Variants in FSTL4 observed in about 807,000 individuals in gnomAD.
FSTL4 encodes the protein follistatin like 4, also known as follistatin-related protein 4.
In FSTL4, 28 loss-of-function variants were observed where a neutral mutation model predicts 78.2. That is an observed-to-expected ratio of 0.36 (90% CI 0.27 to 0.49). The LOEUF is 0.49. Among genes scored for constraint, FSTL4 ranks in the 20% least tolerant of loss-of-function variants. FSTL4 has a pLI of 0.98. For synonymous variants in FSTL4, 422 were observed against 440.5 expected, an observed-to-expected ratio of 0.96 and a Z score of 0.53; for missense variants, 922 against 1,084.9, an observed-to-expected ratio of 0.85 and a Z score of 2.11.
the FSTL4 span, among the ~76,000 whole-genome samples, chr5:133,801,779 C>T: frequency 6.6e-6 from 1 of 152,254 alleles, no homozygotes; most frequent in Admixed American, 6.5e-5. Context: ...CTCTGATCCT[C>T]TCCACTGAGG....
intron 4 of FSTL4, among the ~76,000 whole-genome samples, chr5:133,345,977 G>T (rs990526430): frequency 2.4e-4 from 37 of 152,144 alleles, no homozygotes; most frequent in Non-Finnish European, 5.1e-4. Context: ...CGATAACAAA[G>T]ACTTGGAACC....
chr5:133,729,855 C>G, the FSTL4 span, among the ~76,000 whole-genome samples: 4 of 152,094 alleles, frequency 2.6e-5, 1 homozygote, highest in South Asian at 2.1e-4. Flanking sequence ...CTGAAAACAC[C>G]TGGCTCTGGG....
chr5:133,467,435 T>C lies in FSTL4; in HGVS notation c.161-66449A>G, dbSNP rs182266768. The stretch of plus-strand genomic sequence containing the variant: ...GCCAAGGGTTGTCTGATACGTTGTC[T>C]CCTAGCTTACAGGAAGCCACAAAGC... On this transcript the variant is annotated intron_variant, in intron 3 of 15. Transcript: ENST00000265342. Among the ~76,000 whole-genome samples the C allele has an allele frequency of 4.4e-3, 671 of 152,196 alleles. 5 individuals are homozygous for C. Among genetic ancestry groups the C allele is most frequent in the Non-Finnish European group, 8.2e-3 (556 of 68,006 alleles).
Position 133,400,808 on chromosome 5 carries a change from C to T in FSTL4, c.339G>A (p.Lys113=). The T allele has an allele frequency of 6.2e-7, 1 of 1,614,096 alleles. No homozygotes were observed. Among genetic ancestry groups the T allele is most frequent in the Non-Finnish European group, 8.5e-7 (1 of 1,180,008 alleles). ...CCAGGAGGCAAGCAGCACGGTGGAG[C>T]TTACAGTGGTTTTCATAAAACCTCC... ...SDGRFYENHC[K]LHRAACLLGK... is the part of the protein sequence containing the mutation. The change falls in exon 4 of 16, where the codon AAG becomes AAA. Residue 113 remains lysine (K), a synonymous_variant. Transcript: ENST00000265342.
chr5:133,638,843 G>A, the FSTL4 span, among the ~76,000 whole-genome samples: 2 of 150,910 alleles, frequency 1.3e-5, no homozygotes, highest in African/African-American at 2.4e-5. Context: ...AAAGTATATC[G>A]TGAACACTTT....
chr5:133,600,426 G>C (rs1037164193), intron 2 of FSTL4, among the ~76,000 whole-genome samples: 1 of 151,370 alleles, frequency 6.6e-6, no homozygotes, highest in African/African-American at 2.4e-5. Context: ...GATAAAGGGG[G>C]GGGGGATATA....
At chr5:133,503,069 T>C (rs1477876216) in intron 3 of FSTL4, among the ~76,000 whole-genome samples, 1 of 152,202 alleles carries the variant, frequency 6.6e-6, no homozygotes, top group Non-Finnish European at 1.5e-5. Context: ...CTGAGGAGGT[T>C]CACTGTATCA....
chr5:133,286,168 A>G (rs1319717016), intron 6 of FSTL4, among the ~76,000 whole-genome samples: 1 of 152,174 alleles, frequency 6.6e-6, no homozygotes. Context: ...CAACTCCACC[A>G]TTTACTGACT....
chr5:133,299,035 C>T, intron 6 of FSTL4, among the ~76,000 whole-genome samples: 1 of 152,354 alleles, frequency 6.6e-6, no homozygotes, highest in Non-Finnish European at 1.5e-5. Flanking sequence ...ACACTGTTTT[C>T]AAAAGGAACA....
chr5:133,243,137 C>T (rs1246247729), intron 7 of FSTL4, among the ~76,000 whole-genome samples: 1 of 152,138 alleles, frequency 6.6e-6, no homozygotes, highest in Non-Finnish European at 1.5e-5. Context: ...ATCCTTCAAA[C>T]ACTGCCACAA....
chr5:133,584,782 GC>G (rs1760498039), intron 2 of FSTL4, among the ~76,000 whole-genome samples: 1 of 7,788 alleles, frequency 1.3e-4, no homozygotes, highest in Non-Finnish European at 2.7e-4. Context: ...TACAGAGAAC[GC>G]CACAAAGATA....
Position 133,198,317 on chromosome 5 carries a change from G to A in FSTL4, c.*778C>T, listed in dbSNP as rs1750202755. 6.6e-6 allele frequency: 1 copy of A among 152,566 alleles called. No homozygotes were observed. Among genetic ancestry groups the A allele is most frequent in the African/African-American group, 2.4e-5 (1 of 41,406 alleles). The allele number at this position is 152,566 out of a possible 1,614,324, so 9.5% of individuals were successfully genotyped here. On this transcript the variant is annotated 3_prime_UTR_variant, in exon 16 of 16. Transcript: ENST00000265342. ...GCCTGGTCTGCTCTTGGAGAAGCAGGGTGGCAATAGTCGACAGGGCCAGTA... is the reference window on the plus strand; with the variant it reads ...GCCTGGTCTGCTCTTGGAGAAGCAGAGTGGCAATAGTCGACAGGGCCAGTA...
chr5:133,635,445 A>C, the FSTL4 span, among the ~76,000 whole-genome samples: 1 of 152,218 alleles, frequency 6.6e-6, no homozygotes. Context: ...AAGTACGTGG[A>C]CCAGAAGTCT....
chr5:133,789,767 C>T, the FSTL4 span, among the ~76,000 whole-genome samples: 1 of 152,144 alleles, frequency 6.6e-6, no homozygotes, highest in African/African-American at 2.4e-5. Context: ...AGATGACCAC[C>T]CCTCACTGTC....
At chr5:133,214,784 G>C (rs1033514724) in intron 13 of FSTL4, among the ~76,000 whole-genome samples, 1 of 152,190 alleles carries the variant, frequency 6.6e-6, no homozygotes, top group African/African-American at 2.4e-5. Flanking sequence ...CTCCTGCCTA[G>C]AGTCAATGCA....
At chr5:133,761,902 C>T in the FSTL4 span, among the ~76,000 whole-genome samples, 5 of 152,052 alleles carry the variant, frequency 3.3e-5, no homozygotes, top group Non-Finnish European at 5.9e-5. Flanking sequence ...TCATTTTACA[C>T]ATTGTCAGCT....
chr5:133,233,323 TAAG>T (rs1373120983), intron 8 of FSTL4, 91 bp downstream of exon 8: 2 of 1,379,776 alleles, frequency 1.4e-6, no homozygotes, highest in African/African-American at 1.4e-5. Flanking sequence ...GATATTTCTT[TAAG>T]AAGACAGAAT....
At chr5:133,583,282 G>A in intron 2 of FSTL4, 1 of 421,510 alleles carries the variant, frequency 2.4e-6, no homozygotes, top group Non-Finnish European at 4.8e-6. Context: ...TTAAGATCAA[G>A]GCCCCAGGAG....
chr5:133,430,649 T>C (rs936938871), intron 3 of FSTL4, among the ~76,000 whole-genome samples: 1 of 152,176 alleles, frequency 6.6e-6, no homozygotes, highest in Non-Finnish European at 1.5e-5. Flanking sequence ...GGGTAAAATA[T>C]GACTTTCCAA....
Sources: gnomAD v4.1 joint callset for allele counts (sites outside exome capture counted in the v4.1 genomes callset) on GRCh38, gnomAD v4.1.1 for gene constraint, MANE v1.5 for transcripts, NCBI Gene and HGNC (gene_info 2026-07-23, HGNC 2026-07-21) for gene names.